The following ATF6 variants were observed in gnomAD, a reference collection of about 807,000 sequenced individuals.
The protein encoded by ATF6 is cyclic AMP-dependent transcription factor ATF-6 alpha.
Under a neutral mutation model 83.6 loss-of-function variants are expected in ATF6, and 53 were observed. The ratio of observed to expected loss-of-function variants is 0.63; its 90% CI spans 0.51 to 0.80. The LOEUF (loss-of-function observed/expected upper bound fraction) is 0.80. Ranked by LOEUF, ATF6 falls within the 30% of genes least tolerant of loss-of-function variation. ATF6 has a pLI of 0.00. For synonymous variants in ATF6, 288 were observed against 285.8 expected (o/e 1.01, Z -0.08); for missense variants, 744 against 797.9 (o/e 0.93, Z 0.81).
intron 14 of ATF6, among the ~76,000 whole-genome samples, chr1:161,888,654 A>T (rs1460878028): frequency 1.3e-5 from 2 of 152,156 alleles, no homozygotes; most frequent in Admixed American, 1.3e-4. Flanking sequence ...CTCTCTTGAT[A>T]TGTCTCTTCA....
chr1:161,830,460 A>G (rs1362107187), intron 9 of ATF6, among the ~76,000 whole-genome samples: 2 of 152,216 alleles, frequency 1.3e-5, no homozygotes, highest in Non-Finnish European at 2.9e-5. Flanking sequence ...TGAAGTTCAT[A>G]TGGAACCAAA....
intron 15 of ATF6, among the ~76,000 whole-genome samples, chr1:161,914,086 G>C (rs1688043389): frequency 6.6e-6 from 1 of 152,146 alleles, no homozygotes; most frequent in African/African-American, 2.4e-5. Flanking sequence ...TTTGTAAATA[G>C]TCTTTTTAAA....
rs775562728 is a variant in ATF6 at position 161,960,353 on chromosome 1, T to C, written c.*1699T>C. The C allele has an allele frequency of 2.0e-5, 3 of 152,272 alleles. No homozygotes were observed. The highest frequency in any genetic ancestry group is 2.1e-4 in the South Asian group (1 of 4,836). 9.4% of individuals were successfully genotyped at this position (152,272 alleles called of 1,614,324 possible). A position where few individuals can be genotyped will look rare whatever the true frequency, so the allele number is the denominator to read the frequency against. On this transcript the variant is annotated 3_prime_UTR_variant, in exon 16 of 16. Coordinates refer to ENST00000367942, the MANE Select transcript of ATF6 (RefSeq NM_007348.4). ...TCAGATTTCTTCTTGTTCCACACTA[T>C]AGCAATCAATTTCTCTTCTTCCTTA... is the stretch of plus-strand genomic sequence containing the variant.
intron 14 of ATF6, among the ~76,000 whole-genome samples, chr1:161,871,833 A>G (rs1416178533): frequency 6.7e-6 from 1 of 148,620 alleles, no homozygotes; most frequent in Non-Finnish European, 1.5e-5. Context: ...AGAAATCTAT[A>G]GTTTTTATCT....
chr1:161,870,021 C>T (rs1429894141), intron 14 of ATF6, among the ~76,000 whole-genome samples: 1 of 39,680 alleles, frequency 2.5e-5, no homozygotes, highest in Non-Finnish European at 4.7e-5. Flanking sequence ...TAATTTAATA[C>T]AGTGATTTTT....
Position 161,943,481 on chromosome 1 carries a change from C to T in ATF6, c.1805-14965C>T, listed in dbSNP as rs142088874. Among the ~76,000 whole-genome samples the T allele has an allele frequency of 8.2e-4, 125 of 152,238 alleles. 1 individual carries two copies. In the East Asian group the frequency reaches 0.021, roughly 26 times the overall value. On this transcript the variant is annotated intron_variant, in intron 15 of 15. Coordinates refer to ENST00000367942, the MANE Select transcript of ATF6 (RefSeq NM_007348.4). ...GTATTTCTTCATAGCAGTGTGAGAA[C>T]GGACTAATACAACCTGTAAGGAGAG...
At chr1:161,958,395 A>G (rs769821223) in intron 15 of ATF6, 51 bp from the exon 16 acceptor site, 27 of 1,516,490 alleles carry the variant, frequency 1.8e-5, no homozygotes, top group Non-Finnish European at 2.3e-5. Context: ...CTTATGGCAG[A>G]GATGCACATT....
chr1:161,842,526 C>T (rs1471213191), intron 9 of ATF6, among the ~76,000 whole-genome samples: 1 of 152,144 alleles, frequency 6.6e-6, no homozygotes, highest in African/African-American at 2.4e-5. Context: ...TGGAATACTA[C>T]TCAGTCATAA....
chr1:161,923,221 G>GT (rs937917590), intron 15 of ATF6, among the ~76,000 whole-genome samples: 46 of 150,640 alleles, frequency 3.1e-4, no homozygotes, highest in African/African-American at 6.8e-4. Context: ...AGGTGGTGGT[G>GT]TTTTTTTTTT....
rs772113670 is a variant in ATF6 at position 161,958,549 on chromosome 1, C to A, written c.1908C>A (p.Tyr636Ter). Residue 636 changes from tyrosine to a stop codon, truncating the protein, a stop_gained, in exon 16 of 16, where the codon TAC becomes TAA. Transcript: ENST00000367942. LOFTEE classifies it high-confidence loss of function. ...TCAAAAGTTCGTCAGTTCCTCCTTA[C>A]CTCCGAGATCAGCAGAGGAATCAAA... The part of the protein sequence containing the change: ...LHIKSSSVPP[Y>*]LRDQQRNQTN... 6 of 1,614,122 alleles carry A rather than the reference C, an allele frequency of 3.7e-6. No homozygotes were observed. In the South Asian group the frequency reaches 5.5e-5, roughly 15 times the overall value.
chr1:161,882,189 T>C (rs1329756462), intron 14 of ATF6, among the ~76,000 whole-genome samples: 2 of 152,146 alleles, frequency 1.3e-5, no homozygotes, highest in African/African-American at 2.4e-5. Flanking sequence ...AACCTCAAAT[T>C]TCCAGTCTTT....
At chr1:161,901,274 A>G (rs995453766) in intron 14 of ATF6, among the ~76,000 whole-genome samples, 1 of 152,108 alleles carries the variant, frequency 6.6e-6, no homozygotes, top group Non-Finnish European at 1.5e-5. Context: ...AATAATGAGT[A>G]TAGTACCCAA....
chr1:161,806,401 T>C (rs181464314), intron 7 of ATF6, among the ~76,000 whole-genome samples: 108 of 152,350 alleles, frequency 7.1e-4, no homozygotes, highest in African/African-American at 2.5e-3. Context: ...AATTACATTG[T>C]TTTAGTTATT....
At chr1:161,916,470 T>C (rs1211458075) in intron 15 of ATF6, among the ~76,000 whole-genome samples, 1 of 152,138 alleles carries the variant, frequency 6.6e-6, no homozygotes, top group East Asian at 1.9e-4. Flanking sequence ...TATTTGAAAA[T>C]ACATCTGCTA....
rs576269074 is a variant in ATF6, at chr1:161,849,983, C to G, written c.1320-1739C>G. Reference sequence around the variant, plus strand: ...AACAAGTGTTGTTGATACTCTTCCCCAAAATTGTCTTGAATTGGTCCACTC... The same window carrying G: ...AACAAGTGTTGTTGATACTCTTCCCGAAAATTGTCTTGAATTGGTCCACTC... On this transcript the variant is annotated intron_variant, in intron 10 of 15. Transcript: ENST00000367942. Among the ~76,000 whole-genome samples, 9 of 152,216 alleles carry G rather than the reference C, an allele frequency of 5.9e-5. No homozygotes were observed. The East Asian group carries it at 1.4e-3, about 23-fold the overall frequency.
intron 9 of ATF6, among the ~76,000 whole-genome samples, chr1:161,841,278 TAATAAA>T (rs1341525295): frequency 6.6e-6 from 1 of 152,190 alleles, no homozygotes; most frequent in Non-Finnish European, 1.5e-5. Context: ...TTTCAGATGT[TAATAAA>T]AATAAGGGAA....
chr1:161,780,757 T>G (rs1684617878), intron 2 of ATF6, among the ~76,000 whole-genome samples: 2 of 152,170 alleles, frequency 1.3e-5, no homozygotes, highest in Admixed American at 6.5e-5. Flanking sequence ...TCTCCCAGGA[T>G]GGAGTGCAGT....
At chr1:161,829,450 T>A (rs1319697294) in intron 9 of ATF6, among the ~76,000 whole-genome samples, 2 of 152,082 alleles carry the variant, frequency 1.3e-5, no homozygotes, top group African/African-American at 4.8e-5. Context: ...ATCAACAGAA[T>A]ATACATTCTT....
intron 2 of ATF6, among the ~76,000 whole-genome samples, chr1:161,779,655 G>T (rs983023822): frequency 1.3e-5 from 2 of 152,188 alleles, no homozygotes; most frequent in African/African-American, 4.8e-5. Context: ...ATTTAAAAGT[G>T]TTGCTGGCAC....
Sources: gnomAD v4.1 joint callset for allele counts (sites outside exome capture counted in the v4.1 genomes callset) on GRCh38, gnomAD v4.1.1 for gene constraint, MANE v1.5 for transcripts, NCBI Gene and HGNC (gene_info 2026-07-23, HGNC 2026-07-21) for gene names.